CRELD1: variants seen among roughly 807,000 people sequenced by gnomAD.
The protein encoded by CRELD1 is protein disulfide isomerase CRELD1.
CRELD1 carries 42 observed loss-of-function variants against 58.2 expected under a neutral mutation model. The observed-to-expected ratio is 0.72, with a 90% CI of 0.56 to 0.93. The LOEUF is 0.93. CRELD1 is among the 40% of genes least tolerant of loss of function. CRELD1 has a pLI of 0.00. For missense variants in CRELD1, 500 were observed against 540.6 expected (o/e 0.92, Z 0.74); for synonymous variants, 222 against 202.0 (o/e 1.10, Z -0.84).
intron 7 of CRELD1, among the ~76,000 whole-genome samples, chr3:9,941,678 T>C (rs939372141): frequency 6.7e-6 from 1 of 149,252 alleles, no homozygotes. Flanking sequence ...TAGTCCCAGC[T>C]ACTCAGGAGG....
chr3:9,945,373 A>G lies in CRELD1; in HGVS notation c.*794A>G. 6.6e-6 allele frequency: 1 copy of G among 152,430 alleles called. No individual in the cohort carries two copies. Among genetic ancestry groups the G allele is most frequent in the East Asian group, 1.9e-4 (1 of 5,202 alleles). 9.4% of individuals were successfully genotyped at this position (152,430 alleles called of 1,614,324 possible). A position where few individuals can be genotyped will look rare whatever the true frequency, so the allele number is the denominator to read the frequency against. On this transcript the variant is annotated 3_prime_UTR_variant, in exon 11 of 11. Coordinates refer to ENST00000452070, the MANE Select transcript of CRELD1 (RefSeq NM_001077415.3). ...GACAGTACACAACAGATATTCAATA[A>G]AAGTGTGGTCGCCATTATGACCAGA...
Position 9,943,637 on chromosome 3 carries a change from A to T in CRELD1, c.1048+122A>T, listed in dbSNP as rs1411578179. Reference sequence around the variant, plus strand: ...TCCCTACTGCCACCCAGCCCCCTGGAGGCTGCACTGAGACCGGGCTCTACA... The same window carrying T: ...TCCCTACTGCCACCCAGCCCCCTGGTGGCTGCACTGAGACCGGGCTCTACA... On this transcript the variant is annotated intron_variant, in intron 10 of 10. Transcript: ENST00000452070. The T allele has an allele frequency of 3.8e-6, 6 of 1,581,408 alleles. No individual in the cohort carries two copies. In the East Asian group the frequency reaches 1.3e-4, roughly 35 times the overall value.
intron 1 of CRELD1, 94 bp downstream of exon 1, chr3:9,934,014 TC>T: frequency 3.2e-6 from 1 of 311,460 alleles, no homozygotes; most frequent in South Asian, 3.6e-5. Context: ...GGATCCGGGC[TC>T]CTCCCTCCAA....
At chr3:9,934,943 G>A in intron 3 of CRELD1, 26 bp downstream of exon 3, 3 of 1,569,882 alleles carry the variant, frequency 1.9e-6, no homozygotes, top group Non-Finnish European at 2.6e-6. Flanking sequence ...GGGAAGGGGT[G>A]TATATTCCCC....
rs775946538 is a variant in CRELD1 at position 9,938,124 on chromosome 3, T to C, written c.460+18T>C. On this transcript the variant is annotated intron_variant, in intron 5 of 10. Coordinates refer to ENST00000452070, the MANE Select transcript of CRELD1 (RefSeq NM_001077415.3). ...CTGCCTTCGTGAGTTTTTAAGTTGC[T>C]CTTGGGGATGGGAGGGGACCACCGA... 2.5e-6 allele frequency: 4 copies of C among 1,596,320 alleles called. No homozygotes were observed. The highest frequency in any genetic ancestry group is 2.2e-5 in the East Asian group (1 of 44,780).
chr3:9,944,237 A>G (rs372159360), intron 10 of CRELD1, 128 bp from the exon 11 acceptor site: 70 of 877,182 alleles, frequency 8.0e-5, no homozygotes, highest in Non-Finnish European at 1.2e-4. Flanking sequence ...CAGTAAATGT[A>G]GTGTGCCTGG....
chr3:9,934,233 C>G, intron 1 of CRELD1, 187 bp from the exon 2 acceptor site: 2 of 598,678 alleles, frequency 3.3e-6, no homozygotes, highest in East Asian at 2.8e-5. Flanking sequence ...TAACTTATTT[C>G]TCTTCTGGAA....
In CRELD1 at chr3:9,944,773, T is replaced by A; in HGVS notation, c.*194T>A. On this transcript the variant is annotated 3_prime_UTR_variant, in exon 11 of 11. Transcript: ENST00000452070. ...CTGGGGTAAAAAGTAGCCCTGAAGG[T>A]GGATACCATGAGCTCTTCACCTGGC... The A allele has an allele frequency of 1.6e-6, 1 of 618,828 alleles. No homozygotes were observed. Among genetic ancestry groups the A allele is most frequent in the Non-Finnish European group, 2.9e-6 (1 of 345,650 alleles). 38.3% of individuals were successfully genotyped at this position (618,828 alleles called of 1,614,324 possible). A position where few individuals can be genotyped will look rare whatever the true frequency, so the allele number is the denominator to read the frequency against.
At position 9,944,667 on chromosome 3, in the gene CRELD1, GTTTATT is replaced by G. The variant is rs2085471893; in HGVS notation, c.*92_*97del. On this transcript the variant is annotated 3_prime_UTR_variant, in exon 11 of 11. Transcript: ENST00000452070. ...CCTGCTGGACACTCAGGACAGCTTG[GTTTATT>G]TTTGAGAGTGGGGTAAGCACCCCTA... 2.0e-5 allele frequency: 26 copies of G among 1,291,168 alleles called. No homozygotes were observed. In the South Asian group the frequency reaches 2.4e-4, roughly 12 times the overall value. 80.0% of individuals were successfully genotyped at this position (1,291,168 alleles called of 1,614,324 possible).
In CRELD1 at chr3:9,937,526, G is replaced by A. The variant is rs750805752; in HGVS notation, c.258-36G>A. ...TTGAGGAGGGTGGTGGGTGGGGTGG[G>A]GCATGTTTCCCACCAGCCCTGCCCT... On this transcript the variant is annotated intron_variant, in intron 3 of 10. Coordinates refer to ENST00000452070, the MANE Select transcript of CRELD1 (RefSeq NM_001077415.3). 22 of 1,422,194 alleles carry A rather than the reference G, an allele frequency of 1.5e-5. No individual in the cohort carries two copies. The South Asian group carries it at 2.2e-4, about 15-fold the overall frequency. The allele number at this position is 1,422,194 out of a possible 1,614,324, so 88.1% of individuals were successfully genotyped here. A position where few individuals can be genotyped will look rare whatever the true frequency, so the allele number is the denominator to read the frequency against.
At chr3:9,937,796 C>T (rs1488151795) in intron 4 of CRELD1, 124 bp downstream of exon 4, 3 of 808,124 alleles carry the variant, frequency 3.7e-6, no homozygotes, top group Non-Finnish European at 6.3e-6. Context: ...TCCTTCCAAA[C>T]CCAGGTCTGC....
At position 9,940,919 on chromosome 3, in the gene CRELD1, G is replaced by A. The variant is rs1043727881; in HGVS notation, c.530G>A (p.Gly177Asp). 2 of 1,614,132 alleles carry A rather than the reference G, an allele frequency of 1.2e-6. No homozygotes were observed. ...GQCEGEGTRG[G>D]SGHCDCQAGY... The stretch of plus-strand genomic sequence containing the variant: ...TGTGAAGGAGAAGGGACACGAGGGG[G>A]CAGCGGGCACTGTGACTGCCAAGCC... Residue 177 changes from glycine (G) to aspartate (D), a missense_variant, in exon 6 of 11, where the codon GGC (glycine) becomes GAC (aspartate). By Grantham distance (94) the Gly-to-Asp change is moderately conservative (BLOSUM62 -1). Coordinates refer to ENST00000452070, the MANE Select transcript of CRELD1 (RefSeq NM_001077415.3).
chr3:9,940,273 G>A (rs547590904), intron 5 of CRELD1, among the ~76,000 whole-genome samples: 4 of 152,254 alleles, frequency 2.6e-5, no homozygotes, highest in East Asian at 1.9e-4. Context: ...GGTGGTGGCC[G>A]GGCAGAGGCT....
Position 9,933,908 on chromosome 3 carries a change from G to A in CRELD1, c.-32G>A. ...TGGGGCGGTCGCTTCTTCCTTCTCC[G>A]TGGCCTACGAGGGTCTGGATCCTTC... On this transcript the variant is annotated 5_prime_UTR_variant, in exon 1 of 11. In the 5' UTR this introduces an upstream ATG that the reference lacks. Transcript: ENST00000452070. 1 of 423,068 alleles carries A rather than the reference G, an allele frequency of 2.4e-6. No individual in the cohort carries two copies. The highest frequency in any genetic ancestry group is 2.1e-5 in the African/African-American group (1 of 47,560). 26.2% of individuals were successfully genotyped at this position (423,068 alleles called of 1,614,324 possible). A position where few individuals can be genotyped will look rare whatever the true frequency, so the allele number is the denominator to read the frequency against.
chr3:9,943,830 G>A, intron 10 of CRELD1: 4 of 1,613,432 alleles, frequency 2.5e-6, no homozygotes, highest in Non-Finnish European at 3.4e-6. Context: ...GGTGTGGTGA[G>A]ATGCAGGGTA....
In CRELD1 at chr3:9,940,980, T is replaced by A. The variant is rs1438866871; in HGVS notation, c.591T>A (p.Leu197=). Residue 197 remains leucine, a synonymous_variant, in exon 6 of 11, where the codon CTT becomes CTA. Coordinates refer to ENST00000452070, the MANE Select transcript of CRELD1 (RefSeq NM_001077415.3). ...GTGAGGCCTGTGGCCAGTGTGGCCT[T>A]GGCTACTTTGAGGCAGAACGCAACG... ...YGGEACGQCG[L]GYFEAERNAS... 1 of 1,614,076 alleles carries A rather than the reference T, an allele frequency of 6.2e-7. No homozygotes were observed. Among genetic ancestry groups the A allele is most frequent in the African/African-American group, 1.3e-5 (1 of 75,012 alleles).
chr3:9,936,079 T>C (rs2085184529), intron 3 of CRELD1: 1 of 152,188 alleles, frequency 6.6e-6, no homozygotes. Context: ...CAAAGTCAGA[T>C]GGAAGAGGAG....
Position 9,941,003 on chromosome 3 carries a change from A to T in CRELD1, c.614A>T (p.Asn205Ile). The change falls in exon 6 of 11, where the codon AAC becomes ATC. Residue 205 changes from asparagine to isoleucine, a missense_variant. Asn to Ile is a moderately radical substitution (Grantham distance 149). Transcript: ENST00000452070. ...CTTGGCTACTTTGAGGCAGAACGCA[A>T]CGCCAGCCATCTGGTATGTTCGGGT... The part of the protein sequence containing the change: ...CGLGYFEAER[N>I]ASHLVCSACF... 6.2e-7 allele frequency: 1 copy of T among 1,614,168 alleles called. No homozygotes were observed.
At chr3:9,943,992 AGAT>A (rs1219225374) in intron 10 of CRELD1, 1 of 997,856 alleles carries the variant, frequency 1.0e-6, no homozygotes, top group Admixed American at 1.7e-5. Flanking sequence ...GTAAAAATGA[AGAT>A]GCAGAGAGAT....
Sources: gnomAD v4.1 joint callset for allele counts (sites outside exome capture counted in the v4.1 genomes callset) on GRCh38, gnomAD v4.1.1 for gene constraint, MANE v1.5 for transcripts, NCBI Gene and HGNC (gene_info 2026-07-23, HGNC 2026-07-21) for gene names.